The following EPHA6 variants were observed in gnomAD, a reference collection of about 807,000 sequenced individuals.
EPHA6 encodes ephrin type-A receptor 6.
In EPHA6, 50 loss-of-function variants were observed where a neutral mutation model predicts 112.0. The observed-to-expected ratio is 0.45, with a 90% confidence interval of 0.36 to 0.56. EPHA6 has a LOEUF of 0.56. EPHA6 is among the 20% of genes least tolerant of loss of function. EPHA6 has a pLI of 0.00. For missense variants in EPHA6, 1,280 were observed against 1,417.4 expected (o/e 0.90, Z 1.56); for synonymous variants, 529 against 490.7 (o/e 1.08, Z -1.03).
At chr3:97,679,329 G>T (rs1459355780) in intron 14 of EPHA6, among the ~76,000 whole-genome samples, 1 of 152,118 alleles carries the variant, frequency 6.6e-6, no homozygotes, top group Non-Finnish European at 1.5e-5. Context: ...CAGTCAGGTA[G>T]TTTCCCTCAG....
At chr3:97,049,965 G>A (rs990049999) in intron 3 of EPHA6, among the ~76,000 whole-genome samples, 1 of 152,146 alleles carries the variant, frequency 6.6e-6, no homozygotes, top group Non-Finnish European at 1.5e-5. Context: ...CCAAACTATA[G>A]CAATGTGTTT....
At chr3:97,292,273 C>T (rs943749155) in intron 5 of EPHA6, among the ~76,000 whole-genome samples, 4 of 152,234 alleles carry the variant, frequency 2.6e-5, no homozygotes, top group African/African-American at 4.8e-5. Flanking sequence ...CCAAGGTCTG[C>T]GCTCCTAGAA....
chr3:97,244,560 T>C, intron 5 of EPHA6: 1 of 424,864 alleles, frequency 2.4e-6, no homozygotes. Flanking sequence ...TATATCTTAA[T>C]GAGTAAGTCC....
chr3:96,995,400 TA>T (rs1232873109), intron 3 of EPHA6, among the ~76,000 whole-genome samples: 5 of 152,118 alleles, frequency 3.3e-5, no homozygotes, highest in African/African-American at 4.8e-5. Flanking sequence ...ACACTGAATA[TA>T]AACTCTTATA....
chr3:97,322,489 A>G (rs1223003019), intron 5 of EPHA6, among the ~76,000 whole-genome samples: 1 of 152,006 alleles, frequency 6.6e-6, no homozygotes, highest in East Asian at 1.9e-4. Flanking sequence ...ACTGCTTTCC[A>G]TGGCAAATAA....
intron 14 of EPHA6, among the ~76,000 whole-genome samples, chr3:97,679,206 G>A (rs187333299): frequency 5.7e-4 from 86 of 152,158 alleles, no homozygotes; most frequent in African/African-American, 1.9e-3. Context: ...ATTTGCCCAG[G>A]TTTTACTTCT....
intron 2 of EPHA6, among the ~76,000 whole-genome samples, chr3:96,939,018 T>C (rs1398096315): frequency 6.6e-6 from 1 of 152,152 alleles, no homozygotes; most frequent in African/African-American, 2.4e-5. Flanking sequence ...CAGTATTTTA[T>C]TGAGGATTTT....
intron 5 of EPHA6, among the ~76,000 whole-genome samples, chr3:97,398,858 AGGGT>A (rs1469197518): frequency 6.6e-6 from 1 of 151,524 alleles, no homozygotes; most frequent in African/African-American, 2.4e-5. Flanking sequence ...ATATATTTAT[AGGGT>A]ACAGTGTGAT....
intron 14 of EPHA6, among the ~76,000 whole-genome samples, chr3:97,661,126 T>C (rs367638494): frequency 2.6e-5 from 4 of 152,288 alleles, no homozygotes; most frequent in East Asian, 3.9e-4. Flanking sequence ...AACATCTCTT[T>C]GTGTGGTGCT....
chr3:97,684,202 C>T (rs1409169613), intron 14 of EPHA6, among the ~76,000 whole-genome samples: 1 of 152,004 alleles, frequency 6.6e-6, no homozygotes, highest in Non-Finnish European at 1.5e-5. Flanking sequence ...CAGCACGTTT[C>T]ATATTTAGCA....
intron 5 of EPHA6, among the ~76,000 whole-genome samples, chr3:97,365,930 T>A (rs2084700243): frequency 6.6e-6 from 1 of 152,182 alleles, no homozygotes; most frequent in Non-Finnish European, 1.5e-5. Context: ...ATCTTACCCT[T>A]TGGGAGGAGT....
rs938131796 is a variant in EPHA6, at chr3:96,970,436, C to T, written c.451-16894C>T. ...ATGTTATGTTTCTGTTCACCTGAGT[C>T]ATCCTGGTGTCTTTAAAATGCTATG... is the stretch of plus-strand genomic sequence containing the variant. On this transcript the variant is annotated intron_variant, in intron 2 of 17. Coordinates refer to ENST00000389672, the MANE Select transcript of EPHA6 (RefSeq NM_001080448.3). 4.6e-5 allele frequency among the ~76,000 whole-genome samples: 7 copies of T among 152,146 alleles called. No homozygotes were observed. In the South Asian group the frequency reaches 1.0e-3, roughly 22 times the overall value.
At chr3:97,546,071 G>A (rs2092942876) in intron 11 of EPHA6, among the ~76,000 whole-genome samples, 1 of 152,156 alleles carries the variant, frequency 6.6e-6, no homozygotes, top group Non-Finnish European at 1.5e-5. Context: ...TACATTTAAA[G>A]TTAATATTGT....
chr3:97,555,036 C>T (rs568717819), intron 11 of EPHA6, among the ~76,000 whole-genome samples: 80 of 151,870 alleles, frequency 5.3e-4, no homozygotes, highest in African/African-American at 1.8e-3. Flanking sequence ...CCCATTAACT[C>T]GTCATTTAGC....
At chr3:96,821,453 T>C (rs2033247713) in intron 1 of EPHA6, among the ~76,000 whole-genome samples, 1 of 151,868 alleles carries the variant, frequency 6.6e-6, no homozygotes, top group Non-Finnish European at 1.5e-5. Context: ...TAACTTCTTA[T>C]GGGCTATACA....
rs565495992 is a variant in EPHA6 at position 96,891,178 on chromosome 3, C to T, written c.450+24289C>T. On this transcript the variant is annotated intron_variant, in intron 2 of 17. Coordinates refer to ENST00000389672, the MANE Select transcript of EPHA6 (RefSeq NM_001080448.3). ...ATGTGTATACATCTTTACAAAGAAACGTGGACATAACTGCCAATCAGCAGT... is the reference window on the plus strand; with the variant it reads ...ATGTGTATACATCTTTACAAAGAAATGTGGACATAACTGCCAATCAGCAGT... Among the ~76,000 whole-genome samples the T allele has an allele frequency of 5.3e-5, 8 of 152,122 alleles. No individual in the cohort carries two copies. The South Asian group carries it at 1.0e-3, about 20-fold the overall frequency.
intron 3 of EPHA6, among the ~76,000 whole-genome samples, chr3:97,148,408 G>A (rs1426122919): frequency 6.6e-6 from 1 of 152,058 alleles, no homozygotes; most frequent in Non-Finnish European, 1.5e-5. Flanking sequence ...GGAATTCAAG[G>A]CTGCAGCTAC....
chr3:97,317,823 G>C (rs1170985454), intron 5 of EPHA6, among the ~76,000 whole-genome samples: 1 of 151,940 alleles, frequency 6.6e-6, no homozygotes, highest in Non-Finnish European at 1.5e-5. Context: ...TGCACAAGGA[G>C]ACAGGTACAG....
At chr3:96,887,667 C>G (rs1204888673) in intron 2 of EPHA6, among the ~76,000 whole-genome samples, 1 of 152,108 alleles carries the variant, frequency 6.6e-6, no homozygotes, top group Non-Finnish European at 1.5e-5. Flanking sequence ...GGATTATATG[C>G]CCTTTGTTTT....
Sources: gnomAD v4.1 joint callset for allele counts (sites outside exome capture counted in the v4.1 genomes callset) on GRCh38, gnomAD v4.1.1 for gene constraint, MANE v1.5 for transcripts, NCBI Gene and HGNC (gene_info 2026-07-23, HGNC 2026-07-21) for gene names.